Variants in EFR3B observed in about 807,000 individuals in gnomAD.
The protein encoded by EFR3B is protein EFR3 homolog B.
In EFR3B, 64 loss-of-function variants were observed where a neutral mutation model predicts 104.7. The observed-to-expected ratio is 0.61, with a 90% confidence interval of 0.50 to 0.75. The LOEUF is 0.75. EFR3B is among the 30% of genes least tolerant of loss of function. EFR3B has a pLI of 0.00. For missense variants in EFR3B, 750 were observed against 1,078.5 expected (o/e 0.70, Z 4.27); for synonymous variants, 385 against 417.9 (o/e 0.92, Z 0.96).
At chr2:25,048,882 T>G (rs1299644978) in intron 1 of EFR3B, among the ~76,000 whole-genome samples, 1 of 152,208 alleles carries the variant, frequency 6.6e-6, no homozygotes, top group Non-Finnish European at 1.5e-5. Flanking sequence ...GTGTCTTTAT[T>G]TCTACAATCT....
At chr2:25,100,721 T>C (rs1480037549) in intron 3 of EFR3B, among the ~76,000 whole-genome samples, 1 of 152,238 alleles carries the variant, frequency 6.6e-6, no homozygotes, top group African/African-American at 2.4e-5. Context: ...CTCAATCTCC[T>C]GACCTCGTGA....
At chr2:25,123,578 T>A (rs1207631175) in intron 5 of EFR3B, among the ~76,000 whole-genome samples, 1 of 151,998 alleles carries the variant, frequency 6.6e-6, no homozygotes, top group Non-Finnish European at 1.5e-5. Context: ...GAGCCCCTCA[T>A]CCTCTCCCAG....
At chr2:25,124,146 G>A (rs894778062) in intron 5 of EFR3B, among the ~76,000 whole-genome samples, 17 of 152,078 alleles carry the variant, frequency 1.1e-4, no homozygotes, top group East Asian at 3.9e-4. Context: ...CAGCTGACCC[G>A]GTGGCAGCTG....
At chr2:25,096,614 G>T (rs577657928) in intron 3 of EFR3B, among the ~76,000 whole-genome samples, 1 of 152,194 alleles carries the variant, frequency 6.6e-6, no homozygotes, top group Non-Finnish European at 1.5e-5. Context: ...CACACCTGCC[G>T]TAGACCCACT....
chr2:25,147,786 CA>C, intron 19 of EFR3B: 1 of 152,188 alleles, frequency 6.6e-6, no homozygotes, highest in Non-Finnish European at 1.5e-5. Flanking sequence ...TTTGGGAGGC[CA>C]AGGCAGGTGG....
intron 1 of EFR3B, among the ~76,000 whole-genome samples, chr2:25,063,951 T>C (rs1225086916): frequency 6.6e-6 from 1 of 152,196 alleles, no homozygotes; most frequent in Non-Finnish European, 1.5e-5. Context: ...GTGCAGGTGT[T>C]CCCAGAAGGC....
rs987419878 is a variant in EFR3B, at chr2:25,059,584, G to T, written c.7+17265G>T. Among the ~76,000 whole-genome samples the T allele has an allele frequency of 5.0e-4, 67 of 134,914 alleles. 4 individuals are homozygous for T. Among genetic ancestry groups the T allele is most frequent in the South Asian group, 5.5e-4 (2 of 3,632 alleles). 88.5% of individuals were successfully genotyped at this position (134,914 alleles called of 152,430 possible). On this transcript the variant is annotated intron_variant, in intron 1 of 22. Transcript: ENST00000403714. ...TTACCAGGGACTGCGGGGGGGGGGG[G>T]GGTGGAGATTGGGGAATTGTTGTTA...
chr2:25,133,159 T>C, intron 11 of EFR3B, 145 bp downstream of exon 11: 1 of 894,946 alleles, frequency 1.1e-6, no homozygotes, highest in Non-Finnish European at 1.7e-6. Context: ...TTAATGGGGC[T>C]CTTGGATCCC....
Position 25,157,391 on chromosome 2 carries a change from A to T in EFR3B, c.*3051A>T, listed in dbSNP as rs534591925. 6.6e-6 allele frequency: 1 copy of T among 152,420 alleles called. No individual in the cohort carries two copies. Among genetic ancestry groups the T allele is most frequent in the African/African-American group, 2.4e-5 (1 of 41,570 alleles). The allele number at this position is 152,420 out of a possible 1,614,324, so 9.4% of individuals were successfully genotyped here. A position where few individuals can be genotyped will look rare whatever the true frequency, so the allele number is the denominator to read the frequency against. On this transcript the variant is annotated 3_prime_UTR_variant, in exon 23 of 23. Transcript: ENST00000403714. ...ACAGGCCCTGGGAGAGAGGCAAAGC[A>T]GTTTGATGGGATCTGGAGGGGAGGG...
At chr2:25,061,471 G>C (rs1375649233) in intron 1 of EFR3B, among the ~76,000 whole-genome samples, 1 of 151,542 alleles carries the variant, frequency 6.6e-6, no homozygotes, top group African/African-American at 2.4e-5. Context: ...GGCCTACTCA[G>C]AAGTGAACAC....
At chr2:25,149,322 T>C (rs996646988) in intron 19 of EFR3B, among the ~76,000 whole-genome samples, 14 of 152,188 alleles carry the variant, frequency 9.2e-5, no homozygotes, top group African/African-American at 3.1e-4. Context: ...CACTCCAGCC[T>C]GGGCGACAGA....
intron 1 of EFR3B, among the ~76,000 whole-genome samples, chr2:25,069,230 T>A (rs2149173540): frequency 6.6e-6 from 1 of 152,212 alleles, no homozygotes; most frequent in South Asian, 2.1e-4. Context: ...ACTTTCTAAG[T>A]AAGCAAAGGA....
At chr2:25,085,519 T>C (rs1049546636) in intron 1 of EFR3B, among the ~76,000 whole-genome samples, 1 of 152,084 alleles carries the variant, frequency 6.6e-6, no homozygotes. Context: ...GGCTGGAGTG[T>C]GGTGGCACAA....
intron 5 of EFR3B, among the ~76,000 whole-genome samples, chr2:25,123,359 C>CA (rs58615324): frequency 0.24 from 28,828 of 117,944 alleles, 3,372 homozygotes; most frequent in Admixed American, 0.42. Context: ...GACCCTGTCT[C>CA]AAAAAAAAAA....
At chr2:25,140,047 T>TCA (rs1670620247) in intron 16 of EFR3B, among the ~76,000 whole-genome samples, 1 of 152,200 alleles carries the variant, frequency 6.6e-6, no homozygotes, top group African/African-American at 2.4e-5. Flanking sequence ...GCGCAGTGGC[T>TCA]CAAGCCTGTA....
intron 17 of EFR3B, among the ~76,000 whole-genome samples, chr2:25,141,789 A>G (rs888644389): frequency 2.0e-5 from 3 of 152,228 alleles, no homozygotes; most frequent in South Asian, 4.1e-4. Context: ...GGCCAGTGTC[A>G]TTTCAACATC....
chr2:25,082,698 G>A (rs528022475), intron 1 of EFR3B, among the ~76,000 whole-genome samples: 10 of 152,172 alleles, frequency 6.6e-5, no homozygotes, highest in Admixed American at 1.3e-4. Context: ...CACCACCCAT[G>A]GGTTGGACCC....
chr2:25,154,463 C>A lies in EFR3B; in HGVS notation c.*123C>A. 1.1e-6 allele frequency: 1 copy of A among 889,022 alleles called. No homozygotes were observed. Among genetic ancestry groups the A allele is most frequent in the Non-Finnish European group, 1.7e-6 (1 of 582,172 alleles). 55.1% of individuals were successfully genotyped at this position (889,022 alleles called of 1,614,324 possible). ...AAAACATCACCTTAGATGGCAGCGC[C>A]TCCCAGGCTAAGCCAAGGTGGAGAC... On this transcript the variant is annotated 3_prime_UTR_variant, in exon 23 of 23. Transcript: ENST00000403714. This position sits in a 1 kb window ranked among gnomAD's most constrained non-coding sequence, Gnocchi z 4.1.
At chr2:25,119,157 A>G (rs1669947405) in intron 4 of EFR3B, among the ~76,000 whole-genome samples, 1 of 152,328 alleles carries the variant, frequency 6.6e-6, no homozygotes, top group African/African-American at 2.4e-5. Flanking sequence ...CGAAGTAGAC[A>G]TAGTATATAT....
Sources: allele counts gnomAD v4.1 joint callset (sites outside exome capture counted in the v4.1 genomes callset), GRCh38; gene constraint gnomAD v4.1.1; non-coding constraint Gnocchi (gnomAD v3.1); transcripts MANE v1.5; gene names NCBI Gene and HGNC (gene_info 2026-07-23, HGNC 2026-07-21).